EIF3H: variants seen among roughly 807,000 people sequenced by gnomAD.
EIF3H encodes the protein eIF-3-gamma.
A neutral mutation model predicts 44.2 loss-of-function variants in EIF3H; 26 were observed. The ratio of observed to expected loss-of-function variants is 0.59; its 90% confidence interval spans 0.43 to 0.82. The LOEUF (loss-of-function observed/expected upper bound fraction) is 0.82, where lower values mean the gene tolerates loss of function less well. Ranked by LOEUF, EIF3H falls within the 40% of genes least tolerant of loss-of-function variation. The pLI is 0.00. For synonymous variants in EIF3H, 166 were observed against 151.9 expected (o/e 1.09, Z -0.68); for missense variants, 359 against 432.8 (o/e 0.83, Z 1.51).
chr8:116,666,331 A>G (rs1265790942), intron 2 of EIF3H, among the ~76,000 whole-genome samples: 1 of 152,160 alleles, frequency 6.6e-6, no homozygotes, highest in Non-Finnish European at 1.5e-5. Flanking sequence ...GAACTTTGAC[A>G]ATTATTAGAA....
At chr8:116,699,989 A>G (rs1814344926) in intron 2 of EIF3H, among the ~76,000 whole-genome samples, 1 of 152,174 alleles carries the variant, frequency 6.6e-6, no homozygotes, top group Non-Finnish European at 1.5e-5. Context: ...ATTTTTTAGT[A>G]GAGACAGTGT....
chr8:116,724,226 G>T (rs952938467), intron 2 of EIF3H, among the ~76,000 whole-genome samples: 1 of 152,170 alleles, frequency 6.6e-6, no homozygotes, highest in Non-Finnish European at 1.5e-5. Context: ...CTCTTCAACA[G>T]ATGGTGCTAG....
At position 116,665,407 on chromosome 8, in the gene EIF3H, A is replaced by G. The variant is rs565345610; in HGVS notation, c.290-6427T>C. 1.2e-4 allele frequency among the ~76,000 whole-genome samples: 18 copies of G among 152,334 alleles called. No individual in the cohort carries two copies. The South Asian group carries it at 2.9e-3, about 25-fold the overall frequency. On this transcript the variant is annotated intron_variant, in intron 2 of 7. Coordinates refer to ENST00000521861, the MANE Select transcript of EIF3H (RefSeq NM_003756.3). ...GAGGCTTGTGCCATGACTACTTTGT[A>G]ACTAAATACTGGCTTAGATCAAAGA...
rs142927155 is a variant in EIF3H, at chr8:116,714,170, G to C, written c.289+11846C>G. ...CATATTAGTTTGTTCTTGATTTCTA[G>C]AGGTGTGTGTGCCACTTATGAGGAC... On this transcript the variant is annotated intron_variant, in intron 2 of 7. Transcript: ENST00000521861. Among the ~76,000 whole-genome samples the C allele has an allele frequency of 3.9e-3, 592 of 152,200 alleles. 3 individuals carry two copies. The highest frequency in any genetic ancestry group is 0.013 in the African/African-American group (532 of 41,560).
rs762497959 is a variant in EIF3H, at chr8:116,755,729, C to A, written c.69G>T (p.Gly23=). 41 of 1,613,744 alleles carry A rather than the reference C, an allele frequency of 2.5e-5. No homozygotes were observed. The highest frequency in any genetic ancestry group is 3.3e-5 in the Admixed American group (2 of 60,000). Residue 23 remains glycine, a synonymous_variant, in exon 1 of 8, where the codon GGG becomes GGT. Transcript: ENST00000521861. The part of the protein sequence containing the change: ...TSSSSTAGAA[G]KGKGKGGSGD... ...CCGAGCCGCCTTTGCCTTTGCCTTT[C>A]CCTGCTGCGCCGGCGGTGGAGCTGG...
intron 1 of EIF3H, among the ~76,000 whole-genome samples, chr8:116,728,416 G>C (rs922140824): frequency 5.9e-5 from 9 of 152,060 alleles, no homozygotes; most frequent in African/African-American, 1.4e-4. Flanking sequence ...AGGTTTAAAA[G>C]TAGGTTTTTA....
chr8:116,679,157 G>A (rs1466257455), intron 2 of EIF3H, among the ~76,000 whole-genome samples: 81 of 69,750 alleles, frequency 1.2e-3, no homozygotes, highest in Non-Finnish European at 2.4e-3. Flanking sequence ...GCCCCGTCCG[G>A]GAGGGAGGTG....
intron 2 of EIF3H, among the ~76,000 whole-genome samples, chr8:116,715,457 A>G (rs560840706): frequency 6.6e-6 from 1 of 152,196 alleles, no homozygotes; most frequent in East Asian, 1.9e-4. Flanking sequence ...ATATTATTTT[A>G]ATTCCCCTAA....
chr8:116,707,404 C>T (rs1365135258), intron 2 of EIF3H, among the ~76,000 whole-genome samples: 1 of 152,296 alleles, frequency 6.6e-6, no homozygotes, highest in East Asian at 1.9e-4. Context: ...CAGCAGCTTA[C>T]ATTTATTCAT....
intron 2 of EIF3H, among the ~76,000 whole-genome samples, chr8:116,666,010 ATC>A (rs1042738944): frequency 6.6e-6 from 1 of 152,202 alleles, no homozygotes; most frequent in African/African-American, 2.4e-5. Context: ...CAATTAATAC[ATC>A]TGTTATTAAT....
chr8:116,694,144 C>CTT (rs201448890), intron 2 of EIF3H, among the ~76,000 whole-genome samples: 2 of 144,968 alleles, frequency 1.4e-5, no homozygotes, highest in Non-Finnish European at 1.5e-5. Context: ...ATGAGCAAAC[C>CTT]TTTTTTTTTT....
At chr8:116,754,258 C>A (rs183266164) in intron 1 of EIF3H, among the ~76,000 whole-genome samples, 1 of 152,210 alleles carries the variant, frequency 6.6e-6, no homozygotes, top group African/African-American at 2.4e-5. Flanking sequence ...AGATTACAGG[C>A]GCGTGCCAAC....
intron 2 of EIF3H, among the ~76,000 whole-genome samples, chr8:116,720,990 A>C (rs1248205258): frequency 6.6e-6 from 1 of 152,074 alleles, no homozygotes; most frequent in Non-Finnish European, 1.5e-5. Context: ...CCATTTTCTG[A>C]GGAGAAATTC....
At chr8:116,696,090 G>C (rs977174691) in intron 2 of EIF3H, among the ~76,000 whole-genome samples, 1 of 152,190 alleles carries the variant, frequency 6.6e-6, no homozygotes. Flanking sequence ...CAAGAGCAAT[G>C]AGCATGCTCA....
intron 2 of EIF3H, among the ~76,000 whole-genome samples, chr8:116,674,282 T>TA (rs1168532306): frequency 8.4e-6 from 1 of 118,772 alleles, no homozygotes; most frequent in Non-Finnish European, 1.6e-5. Context: ...CCCAATTTCA[T>TA]AGAGTTCAGG....
At chr8:116,700,414 C>CT (rs35166997) in intron 2 of EIF3H, among the ~76,000 whole-genome samples, 11 of 148,754 alleles carry the variant, frequency 7.4e-5, no homozygotes, top group South Asian at 2.1e-4. Context: ...CTTTTCTTTT[C>CT]TTTTTTTTTT....
chr8:116,642,678 CTCATT>C lies in EIF3H; in HGVS notation c.*2323_*2327del, dbSNP rs1015382621. 5.3e-5 allele frequency: 8 copies of C among 152,206 alleles called. No individual in the cohort carries two copies. In the South Asian group the frequency reaches 1.0e-3, roughly 20 times the overall value. 9.4% of individuals were successfully genotyped at this position (152,206 alleles called of 1,614,324 possible). A position where few individuals can be genotyped will look rare whatever the true frequency, so the allele number is the denominator to read the frequency against. On this transcript the variant is annotated 3_prime_UTR_variant, in exon 8 of 8. Coordinates refer to ENST00000521861, the MANE Select transcript of EIF3H (RefSeq NM_003756.3). ...CCTGGTGCTCAATTTACGAGCTTTTCTCATTTCAACTTGAAGAAACTGCAAATATT... is the reference window on the plus strand; with the variant it reads ...CCTGGTGCTCAATTTACGAGCTTTTCTCAACTTGAAGAAACTGCAAATATT...
intron 2 of EIF3H, among the ~76,000 whole-genome samples, chr8:116,666,566 T>G (rs905833974): frequency 6.6e-6 from 1 of 152,012 alleles, no homozygotes; most frequent in Non-Finnish European, 1.5e-5. Context: ...TAGTGGAAGA[T>G]AGAGAGCCAT....
At position 116,683,017 on chromosome 8, in the gene EIF3H, A is replaced by C. The variant is rs73324030; in HGVS notation, c.290-24037T>G. 3.9e-3 allele frequency among the ~76,000 whole-genome samples: 598 copies of C among 152,362 alleles called. 4 individuals are homozygous for C. Among genetic ancestry groups the C allele is most frequent in the African/African-American group, 0.013 (537 of 41,578 alleles). ...ACCACCTACTAAACAATAACATTTT[A>C]CAGATGGCATCATAAAACAAAAATT... is the stretch of plus-strand genomic sequence containing the variant. On this transcript the variant is annotated intron_variant, in intron 2 of 7. Coordinates refer to ENST00000521861, the MANE Select transcript of EIF3H (RefSeq NM_003756.3).
Sources: gnomAD v4.1 joint callset for allele counts (sites outside exome capture counted in the v4.1 genomes callset) on GRCh38, gnomAD v4.1.1 for gene constraint, MANE v1.5 for transcripts, NCBI Gene and HGNC (gene_info 2026-07-23, HGNC 2026-07-21) for gene names.